Variants in SMC5 observed in about 807,000 individuals in gnomAD.
SMC5 encodes structural maintenance of chromosomes 5.
In SMC5, 88 loss-of-function variants were observed where a neutral mutation model predicts 148.3. That is an observed-to-expected ratio of 0.59 (90% CI 0.50 to 0.71). The LOEUF (loss-of-function observed/expected upper bound fraction) is 0.71. Ranked by LOEUF, SMC5 falls within the 30% of genes least tolerant of loss-of-function variation. SMC5 has a pLI of 0.00. For synonymous variants in SMC5, 421 were observed against 432.8 expected, an observed-to-expected ratio of 0.97 and a Z score of 0.34; for missense variants, 1,142 against 1,298.9, an observed-to-expected ratio of 0.88 and a Z score of 1.86.
intron 17 of SMC5, among the ~76,000 whole-genome samples, chr9:70,340,297 T>G (rs1269621595): frequency 6.6e-6 from 1 of 151,986 alleles, no homozygotes. Flanking sequence ...ACTTTTTTTT[T>G]TACTTAGATG....
rs146893212 is a variant in SMC5 at position 70,282,600 on chromosome 9, A to G, written c.981+17A>G. 7.7e-4 allele frequency: 1,183 copies of G among 1,541,696 alleles called. 10 individuals carry two copies. The African/African-American group carries it at 0.014, about 18-fold the overall frequency. On this transcript the variant is annotated intron_variant, in intron 7 of 24. Transcript: ENST00000361138. ...AAAGAAAAGGTACTTTTTGGTTTCA[A>G]TTTTGGATTATCTGAATTTTATTTT...
chr9:70,323,958 A>G (rs2036012537), intron 16 of SMC5, 63 bp from the exon 17 acceptor site: 1 of 1,361,876 alleles, frequency 7.3e-7, no homozygotes, highest in Non-Finnish European at 9.8e-7. Context: ...AAAAAACTAT[A>G]CATTTTTTAG....
intron 17 of SMC5, among the ~76,000 whole-genome samples, chr9:70,327,136 A>T (rs1242434343): frequency 6.6e-6 from 1 of 152,226 alleles, no homozygotes; most frequent in Non-Finnish European, 1.5e-5. Flanking sequence ...AAAGACCTAG[A>T]TTATGACTTC....
intron 8 of SMC5, among the ~76,000 whole-genome samples, chr9:70,290,468 T>C (rs1266921207): frequency 6.6e-6 from 1 of 152,198 alleles, no homozygotes. Flanking sequence ...GGACAAAGAC[T>C]AAATATATAT....
At chr9:70,297,849 T>G (rs531134497) in intron 8 of SMC5, 117 bp from the exon 9 acceptor site, 2 of 1,187,484 alleles carry the variant, frequency 1.7e-6, no homozygotes, top group South Asian at 3.0e-5. Context: ...AGGACACCTT[T>G]TAGTGAGGAA....
At chr9:70,285,595 A>G (rs1223438849) in intron 7 of SMC5, among the ~76,000 whole-genome samples, 1 of 152,232 alleles carries the variant, frequency 6.6e-6, no homozygotes, top group Non-Finnish European at 1.5e-5. Context: ...ATTTCCAGAC[A>G]ACAACCAAGG....
At position 70,344,131 on chromosome 9, in the gene SMC5, A is replaced by T. The variant is rs747867001; in HGVS notation, c.2398-13A>T. On this transcript the variant is annotated splice_polypyrimidine_tract_variant and intron_variant, in intron 17 of 24. Transcript: ENST00000361138. The stretch of plus-strand genomic sequence containing the variant: ...ATTAACATTCAAATTTTCAAAATAA[A>T]TTTTTTTAATAGCAACATTTCATTG... The T allele has an allele frequency of 6.8e-6, 10 of 1,465,896 alleles. 1 individual carries two copies. The highest frequency in any genetic ancestry group is 4.6e-5 in the Admixed American group (2 of 43,588). 90.8% of individuals were successfully genotyped at this position (1,465,896 alleles called of 1,614,324 possible). A position where few individuals can be genotyped will look rare whatever the true frequency, so the allele number is the denominator to read the frequency against.
chr9:70,305,660 C>T (rs2035477228), intron 11 of SMC5, among the ~76,000 whole-genome samples: 5 of 151,978 alleles, frequency 3.3e-5, no homozygotes, highest in Admixed American at 3.3e-4. Context: ...TAATGATGGA[C>T]CTTTGGTCTT....
chr9:70,275,218 T>C (rs990636788), intron 3 of SMC5, among the ~76,000 whole-genome samples: 2 of 152,096 alleles, frequency 1.3e-5, no homozygotes, highest in African/African-American at 4.8e-5. Flanking sequence ...GCTGTATTCC[T>C]TTTTTTGTTG....
intron 22 of SMC5, among the ~76,000 whole-genome samples, chr9:70,348,577 G>C (rs910032668): frequency 6.6e-6 from 1 of 151,708 alleles, no homozygotes; most frequent in African/African-American, 2.4e-5. Context: ...TGTGGTCCCA[G>C]CTACTCTGGA....
intron 9 of SMC5, among the ~76,000 whole-genome samples, chr9:70,298,616 A>G (rs1489167472): frequency 2.0e-5 from 3 of 152,002 alleles, no homozygotes; most frequent in Non-Finnish European, 4.4e-5. Flanking sequence ...GACCATGTGA[A>G]TAGATCTGTG....
chr9:70,283,090 T>C (rs1330796724), intron 7 of SMC5, among the ~76,000 whole-genome samples: 1 of 152,224 alleles, frequency 6.6e-6, no homozygotes, highest in African/African-American at 2.4e-5. Context: ...AATAACGCAG[T>C]ATAGGCAGAT....
intron 3 of SMC5, among the ~76,000 whole-genome samples, chr9:70,276,233 C>G (rs1228556357): frequency 6.6e-6 from 1 of 152,142 alleles, no homozygotes; most frequent in East Asian, 1.9e-4. Context: ...GACTGTCCAC[C>G]TTGAATAGCT....
At chr9:70,268,082 A>G in intron 3 of SMC5, 107 bp downstream of exon 3, 1 of 765,160 alleles carries the variant, frequency 1.3e-6, no homozygotes, top group East Asian at 3.0e-5. Context: ...TATGGCATAA[A>G]TATTGGAAAT....
chr9:70,329,792 A>G (rs149864177), intron 17 of SMC5, among the ~76,000 whole-genome samples: 4 of 152,318 alleles, frequency 2.6e-5, no homozygotes, highest in African/African-American at 9.6e-5. Context: ...TCACACTTCT[A>G]TAAAGAACTA....
At chr9:70,271,572 TA>T (rs1415661115) in intron 3 of SMC5, among the ~76,000 whole-genome samples, 3 of 152,208 alleles carry the variant, frequency 2.0e-5, no homozygotes, top group Admixed American at 6.5e-5. Flanking sequence ...AATTTATAGT[TA>T]GGGGCATAAG....
chr9:70,278,648 T>C (rs764273113), intron 5 of SMC5, 23 bp downstream of exon 5: 1 of 1,582,688 alleles, frequency 6.3e-7, no homozygotes. Flanking sequence ...GACAACTCAT[T>C]TGTATTGTTT....
chr9:70,350,526 A>G, intron 24 of SMC5, 55 bp downstream of exon 24: 1 of 1,196,136 alleles, frequency 8.4e-7, no homozygotes, highest in Non-Finnish European at 1.2e-6. Context: ...CCTGTGACAT[A>G]ATCATACAGT....
intron 10 of SMC5, among the ~76,000 whole-genome samples, chr9:70,302,044 G>C (rs1013657939): frequency 6.6e-6 from 1 of 152,174 alleles, no homozygotes; most frequent in Admixed American, 6.5e-5. Context: ...AACATCCCAA[G>C]AAACTGGAAC....
Sources: allele counts gnomAD v4.1 joint callset (sites outside exome capture counted in the v4.1 genomes callset), GRCh38; gene constraint gnomAD v4.1.1; transcripts MANE v1.5; gene names NCBI Gene and HGNC (gene_info 2026-07-23, HGNC 2026-07-21).